Variants in RASAL2 observed in about 807,000 individuals in gnomAD.
RASAL2 encodes the protein ras GTPase-activating protein nGAP.
A neutral mutation model predicts 128.9 loss-of-function variants in RASAL2; 58 were observed. That is an observed-to-expected ratio of 0.45 (90% CI 0.36 to 0.56). RASAL2 has a LOEUF of 0.56. RASAL2 is among the 20% of genes least tolerant of loss of function. The probability of loss-of-function intolerance (pLI) is 0.00; values close to 1 mark genes in which losing one functional copy is unlikely to be tolerated. For synonymous variants in RASAL2, 561 were observed against 580.8 expected (o/e 0.97, Z 0.49); for missense variants, 1,360 against 1,601.6 (o/e 0.85, Z 2.57).
intron 1 of RASAL2, among the ~76,000 whole-genome samples, chr1:178,122,648 A>T (rs1659757827): frequency 6.6e-6 from 1 of 152,188 alleles, no homozygotes; most frequent in Non-Finnish European, 1.5e-5. Flanking sequence ...GGTGCATGAA[A>T]ATCTTTATCA....
At chr1:178,136,550 G>A (rs1660329268) in intron 1 of RASAL2, among the ~76,000 whole-genome samples, 1 of 151,906 alleles carries the variant, frequency 6.6e-6, no homozygotes. Flanking sequence ...GAGGTCAGGA[G>A]TTCGAGACCA....
At chr1:178,377,301 AGAT>A (rs1282765767) in intron 3 of RASAL2, among the ~76,000 whole-genome samples, 1 of 152,154 alleles carries the variant, frequency 6.6e-6, no homozygotes, top group Non-Finnish European at 1.5e-5. Flanking sequence ...ATGCCAGACT[AGAT>A]AACCTCAAAA....
At chr1:178,180,831 C>G (rs1400941480) in intron 1 of RASAL2, among the ~76,000 whole-genome samples, 1 of 150,966 alleles carries the variant, frequency 6.6e-6, no homozygotes, top group Non-Finnish European at 1.5e-5. Context: ...AAAAAAAAAA[C>G]CCACAATTTA....
At chr1:178,250,244 G>T (rs1396796261) in intron 1 of RASAL2, among the ~76,000 whole-genome samples, 1 of 152,118 alleles carries the variant, frequency 6.6e-6, no homozygotes, top group Non-Finnish European at 1.5e-5. Flanking sequence ...CTCTTACTGG[G>T]GCTGCTGCCT....
intron 9 of RASAL2, 142 bp from the exon 10 acceptor site, chr1:178,451,429 A>T (rs954283199): frequency 2.5e-6 from 2 of 813,532 alleles, no homozygotes; most frequent in Non-Finnish European, 1.8e-6. Context: ...ATGAGGCTTC[A>T]TGGGCCATCT....
intron 1 of RASAL2, among the ~76,000 whole-genome samples, chr1:178,164,508 T>TGCAC (rs1553255564): frequency 1.1e-5 from 1 of 94,002 alleles, no homozygotes; most frequent in African/African-American, 3.5e-5. Context: ...TGTGTGTGCG[T>TGCAC]GTGTGTGTGT....
At chr1:178,335,495 T>C (rs1669540188) in intron 3 of RASAL2, among the ~76,000 whole-genome samples, 1 of 152,220 alleles carries the variant, frequency 6.6e-6, no homozygotes, top group African/African-American at 2.4e-5. Context: ...CTGCTGATAC[T>C]GAGAATATGT....
intron 4 of RASAL2, among the ~76,000 whole-genome samples, chr1:178,398,404 G>A (rs1673386813): frequency 2.0e-5 from 3 of 152,070 alleles, no homozygotes; most frequent in Non-Finnish European, 4.4e-5. Context: ...CTGTTAAATT[G>A]TTTGACCTTT....
chr1:178,300,184 A>C (rs1008327537), intron 3 of RASAL2, 66 bp downstream of exon 3: 49 of 1,493,140 alleles, frequency 3.3e-5, no homozygotes, highest in Non-Finnish European at 4.3e-5. Context: ...CTTGTTACTG[A>C]GTAAAACAGA....
intron 3 of RASAL2, among the ~76,000 whole-genome samples, chr1:178,339,687 T>C (rs913083259): frequency 3.9e-5 from 6 of 152,310 alleles, no homozygotes; most frequent in Admixed American, 2.0e-4. Context: ...GTCACTATGT[T>C]ATAATTATTT....
Position 178,380,019 on chromosome 1 carries a change from G to A in RASAL2, c.458-10081G>A, listed in dbSNP as rs374459231. ...GCCCCCTACCCGTAGTAGCTGGGAC[G>A]ACAGGTGCAGTCGCACGCCGCCACG... is the stretch of plus-strand genomic sequence containing the variant. On this transcript the variant is annotated intron_variant, in intron 3 of 17. Transcript: ENST00000367649. Among the ~76,000 whole-genome samples the A allele has an allele frequency of 5.3e-5, 8 of 152,184 alleles. No homozygotes were observed. In the East Asian group the frequency reaches 7.7e-4, roughly 15 times the overall value.
At chr1:178,231,855 A>G (rs987305641) in intron 1 of RASAL2, among the ~76,000 whole-genome samples, 2 of 152,202 alleles carry the variant, frequency 1.3e-5, no homozygotes, top group Admixed American at 1.3e-4. Flanking sequence ...TTTTTGAGAA[A>G]GCCAAATACT....
intron 9 of RASAL2, among the ~76,000 whole-genome samples, chr1:178,447,189 G>A (rs1292893576): frequency 6.6e-6 from 1 of 152,070 alleles, no homozygotes; most frequent in Non-Finnish European, 1.5e-5. Context: ...AGGCATGGTG[G>A]CTCACATCTA....
chr1:178,295,814 C>T (rs886209136), intron 2 of RASAL2, among the ~76,000 whole-genome samples: 2 of 152,044 alleles, frequency 1.3e-5, no homozygotes, highest in African/African-American at 4.8e-5. Flanking sequence ...ATTGTTTTTT[C>T]TTTAAAGTAC....
intron 3 of RASAL2, among the ~76,000 whole-genome samples, chr1:178,379,917 T>G (rs1672187909): frequency 6.6e-6 from 1 of 152,220 alleles, no homozygotes; most frequent in African/African-American, 2.4e-5. Flanking sequence ...ATTTGTGACT[T>G]AATTTGAGAC....
intron 1 of RASAL2, among the ~76,000 whole-genome samples, chr1:178,189,721 C>T (rs1347802967): frequency 2.6e-5 from 4 of 152,096 alleles, no homozygotes; most frequent in Non-Finnish European, 5.9e-5. Context: ...CCTGGGAGTA[C>T]AAAGATAATC....
intron 1 of RASAL2, among the ~76,000 whole-genome samples, chr1:178,246,505 G>A (rs143930945): frequency 0.014 from 2,065 of 152,124 alleles, 48 homozygotes; most frequent in African/African-American, 0.046. Context: ...CAATCATGTC[G>A]TCTGCAAACA....
chr1:178,298,971 A>G (rs1280343899), intron 2 of RASAL2, among the ~76,000 whole-genome samples: 1 of 151,978 alleles, frequency 6.6e-6, no homozygotes, highest in Middle Eastern at 3.2e-3. Flanking sequence ...ATTACTCTAC[A>G]TTGATAACCT....
At chr1:178,464,171 T>G in intron 14 of RASAL2, 107 bp from the exon 15 acceptor site, 1 of 1,329,696 alleles carries the variant, frequency 7.5e-7, no homozygotes, top group Non-Finnish European at 1.0e-6. Flanking sequence ...GAGCATTTAT[T>G]AGAAAACTGA....
Sources: allele counts gnomAD v4.1 joint callset (sites outside exome capture counted in the v4.1 genomes callset), GRCh38; gene constraint gnomAD v4.1.1; transcripts MANE v1.5; gene names NCBI Gene and HGNC (gene_info 2026-07-23, HGNC 2026-07-21).